The following SUMF2 variants were observed in gnomAD, a reference collection of about 807,000 sequenced individuals.
The protein encoded by SUMF2 is inactive C-alpha-formylglycine-generating enzyme 2.
Under a neutral mutation model 44.8 loss-of-function variants are expected in SUMF2, and 45 were observed. The observed-to-expected ratio is 1.00, with a 90% CI of 0.79 to 1.29. The LOEUF is 1.29. Among genes scored for constraint, SUMF2 ranks in the 50% most tolerant of loss-of-function variants. The pLI is 0.00. For missense variants in SUMF2, 418 were observed against 389.9 expected, an observed-to-expected ratio of 1.07 and a Z score of -0.61; for synonymous variants, 148 against 150.4, an observed-to-expected ratio of 0.98 and a Z score of 0.12.
downstream of SUMF2, chr7:56,082,033 C>T (rs141344297): frequency 2.0e-4 from 323 of 1,612,994 alleles, no homozygotes; most frequent in Non-Finnish European, 2.4e-4. Flanking sequence ...TACATGATGA[C>T]GCCAGTGCTC....
At chr7:56,067,819 C>T (rs992067697) in intron 1 of SUMF2, among the ~76,000 whole-genome samples, 17 of 146,932 alleles carry the variant, frequency 1.2e-4, no homozygotes, top group Admixed American at 7.0e-5. Context: ...CTTGAGCTGA[C>T]GGGGGCAGAG....
At chr7:56,067,608 C>T (rs1043491852) in intron 1 of SUMF2, among the ~76,000 whole-genome samples, 3 of 151,958 alleles carry the variant, frequency 2.0e-5, no homozygotes, top group African/African-American at 7.3e-5. Flanking sequence ...GAAATTGAAT[C>T]TCAGCTGGGC....
At chr7:56,087,567 C>T in the SUMF2 span, 5 of 1,597,878 alleles carry the variant, frequency 3.1e-6, no homozygotes, top group Non-Finnish European at 3.4e-6. Flanking sequence ...CAGGGGGGCA[C>T]CCTGCCGTGT....
At chr7:56,065,064 CG>C (rs1353066691) in intron 1 of SUMF2, among the ~76,000 whole-genome samples, 1 of 149,578 alleles carries the variant, frequency 6.7e-6, no homozygotes, top group Admixed American at 6.7e-5. Flanking sequence ...TGATGGCGGG[CG>C]CTTGTAGTCC....
At chr7:56,064,881 T>A (rs1451618569) in intron 1 of SUMF2, among the ~76,000 whole-genome samples, 1 of 25,198 alleles carries the variant, frequency 4.0e-5, no homozygotes, top group Non-Finnish European at 6.5e-5. Flanking sequence ...ATACTTTATC[T>A]CAAAAAAAAA....
chr7:56,081,686 A>G (rs139718491), downstream of SUMF2: 2 of 1,613,754 alleles, frequency 1.2e-6, no homozygotes, highest in Admixed American at 3.3e-5. This position sits in a 1 kb window ranked among gnomAD's most constrained non-coding sequence, Gnocchi z 4.6. Context: ...TACTGCTGGA[A>G]GAAGGGGTGT....
At chr7:56,087,557 C>T in the SUMF2 span, 2 of 1,589,786 alleles carry the variant, frequency 1.3e-6, no homozygotes, top group African/African-American at 1.3e-5. Context: ...GGCAGAATCA[C>T]AGGGGGGCAC....
chr7:56,077,765 A>G (rs113414627), intron 6 of SUMF2, among the ~76,000 whole-genome samples: 1 of 152,146 alleles, frequency 6.6e-6, no homozygotes, highest in African/African-American at 2.4e-5. Flanking sequence ...TGGGGGCAGG[A>G]TGCAGAGGAT....
At chr7:56,086,372 C>A in the SUMF2 span, among the ~76,000 whole-genome samples, 1 of 151,902 alleles carries the variant, frequency 6.6e-6, no homozygotes, top group Non-Finnish European at 1.5e-5. Flanking sequence ...TAAAATAGAA[C>A]AATTATATCA....
chr7:56,076,750 A>C, intron 5 of SUMF2, 84 bp from the exon 6 acceptor site: 4 of 1,228,242 alleles, frequency 3.3e-6, no homozygotes, highest in Non-Finnish European at 4.6e-6. Context: ...CTTCCTTTTG[A>C]TTCCCTCACT....
Position 56,064,371 on chromosome 7 carries a change from C to T in SUMF2, c.60C>T (p.Leu20=), listed in dbSNP as rs777898586. The T allele has an allele frequency of 6.2e-7, 1 of 1,603,708 alleles. No homozygotes were observed. The highest frequency in any genetic ancestry group is 1.1e-5 in the South Asian group (1 of 89,396). Residue 20 remains leucine (L), a synonymous_variant, in exon 1 of 9, where the codon CTC becomes CTT. Coordinates refer to ENST00000434526, the MANE Select transcript of SUMF2 (RefSeq NM_015411.4). ...PLLSLLVGAW[L]KLGNGQATSM... is the part of the protein sequence containing the mutation. ...TGTCGCTCCTGGTCGGCGCGTGGCT[C>T]AAGCTAGGTCAGTGAACCGGCCGTC...
chr7:56,087,853 G>C, the SUMF2 span: 5 of 1,172,194 alleles, frequency 4.3e-6, no homozygotes, highest in Non-Finnish European at 6.2e-6. Flanking sequence ...CTGCAGCAGA[G>C]ATGTCCTGCC....
chr7:56,078,317 G>T, intron 7 of SUMF2, 47 bp from the exon 8 acceptor site: 1 of 1,558,452 alleles, frequency 6.4e-7, no homozygotes, highest in Non-Finnish European at 8.7e-7. Context: ...GGTAGGCGGG[G>T]TGGTCGGCGG....
rs1795871569 is a variant in SUMF2, at chr7:56,079,962, C to T, written c.*350C>T. The T allele has an allele frequency of 5.1e-6, 6 of 1,186,290 alleles. No individual in the cohort carries two copies. In the South Asian group the frequency reaches 9.9e-5, roughly 20 times the overall value. 73.5% of individuals were successfully genotyped at this position (1,186,290 alleles called of 1,614,324 possible). On this transcript the variant is annotated 3_prime_UTR_variant, in exon 9 of 9. Coordinates refer to ENST00000434526, the MANE Select transcript of SUMF2 (RefSeq NM_015411.4). The stretch of plus-strand genomic sequence containing the variant: ...TAAAATCTATTCTCTCCCCCTTTCT[C>T]CCTGGATGATTCAGGAAGCTGACAT...
At chr7:56,067,584 A>G (rs1562859019) in intron 1 of SUMF2, among the ~76,000 whole-genome samples, 1 of 151,820 alleles carries the variant, frequency 6.6e-6, no homozygotes, top group African/African-American at 2.4e-5. Context: ...AGATATCCCC[A>G]TTTTTCAGAT....
chr7:56,073,036 G>A lies in SUMF2; in HGVS notation c.264G>A (p.Glu88=). Residue 88 remains glutamate (E), a synonymous_variant, in exon 3 of 9, where the codon GAG becomes GAA. Transcript: ENST00000434526. Reference sequence around the variant, plus strand: ...AGAAAAAGTATCGGACAGAAGCTGAGATGTTTGGATGGAGCTTTGTCTTTG... The same window carrying A: ...AGAAAAAGTATCGGACAGAAGCTGAAATGTTTGGATGGAGCTTTGTCTTTG... The part of the protein sequence containing the change: ...VREKKYRTEA[E]MFGWSFVFED... The A allele has an allele frequency of 1.2e-6, 2 of 1,614,168 alleles. No homozygotes were observed. The highest frequency in any genetic ancestry group is 1.7e-6 in the Non-Finnish European group (2 of 1,180,022).
chr7:56,083,849 T>A, downstream of SUMF2: 1 of 683,168 alleles, frequency 1.5e-6, no homozygotes. Context: ...AACCACAGTC[T>A]GGGGAGAGGA....
chr7:56,075,184 T>G (rs76494713), intron 5 of SUMF2, among the ~76,000 whole-genome samples: 2 of 77,258 alleles, frequency 2.6e-5, no homozygotes, highest in African/African-American at 3.7e-5. Flanking sequence ...AGGACCAGTG[T>G]TTTTTTTTTT....
At chr7:56,074,479 C>G (rs1795399003) in intron 4 of SUMF2, 107 bp from the exon 5 acceptor site, 3 of 1,446,774 alleles carry the variant, frequency 2.1e-6, no homozygotes, top group Non-Finnish European at 2.8e-6. Flanking sequence ...TCTTCCAGCT[C>G]TCTTGCTCCA....
Sources: allele counts gnomAD v4.1 joint callset (sites outside exome capture counted in the v4.1 genomes callset), GRCh38; gene constraint gnomAD v4.1.1; non-coding constraint Gnocchi (gnomAD v3.1); transcripts MANE v1.5; gene names NCBI Gene and HGNC (gene_info 2026-07-23, HGNC 2026-07-21).